Variants in FRMPD2 observed in about 807,000 individuals in gnomAD.
The protein encoded by FRMPD2 is FERM and PDZ domain-containing protein 2.
Under a neutral mutation model 140.1 loss-of-function variants are expected in FRMPD2, and 96 were observed. The ratio of observed to expected loss-of-function variants is 0.69; its 90% CI spans 0.58 to 0.81. The LOEUF is 0.81. FRMPD2 is among the 40% of genes least tolerant of loss of function. The pLI, the probability that FRMPD2 is intolerant of heterozygous loss-of-function variation, is 0.00. For synonymous variants in FRMPD2, 449 were observed against 547.6 expected, an observed-to-expected ratio of 0.82 and a Z score of 2.52; for missense variants, 1,240 against 1,447.4, an observed-to-expected ratio of 0.86 and a Z score of 2.32.
At chr10:48,240,639 A>G in intron 5 of FRMPD2, 147 bp from the exon 6 acceptor site, 8 of 1,138,456 alleles carry the variant, frequency 7.0e-6, no homozygotes, top group Non-Finnish European at 9.9e-6. Flanking sequence ...GGCACCCAGA[A>G]TGTGCTCTGT....
intron 14 of FRMPD2, among the ~76,000 whole-genome samples, chr10:48,204,097 T>C (rs531265005): frequency 3.3e-4 from 51 of 152,248 alleles, no homozygotes; most frequent in African/African-American, 1.1e-3. Context: ...CCAGATGAAA[T>C]TGACCATGCC....
At chr10:48,212,413 C>A (rs759556476) in intron 12 of FRMPD2, among the ~76,000 whole-genome samples, 1 of 152,066 alleles carries the variant, frequency 6.6e-6, no homozygotes, top group Non-Finnish European at 1.5e-5. Context: ...ATTGTCATTG[C>A]CATTGACAAG....
chr10:48,209,236 C>G (rs529834091), intron 13 of FRMPD2, among the ~76,000 whole-genome samples: 26 of 152,090 alleles, frequency 1.7e-4, no homozygotes, highest in Non-Finnish European at 3.1e-4. Context: ...ATTATGATTT[C>G]AATAGCAAGA....
At chr10:48,237,933 C>G in intron 8 of FRMPD2, 58 bp downstream of exon 8, 1 of 1,606,760 alleles carries the variant, frequency 6.2e-7, no homozygotes, top group African/African-American at 1.3e-5. Flanking sequence ...GTGCCAGCCA[C>G]CCACAGCTCC....
At chr10:48,204,182 C>T (rs892815046) in intron 14 of FRMPD2, among the ~76,000 whole-genome samples, 4 of 152,168 alleles carry the variant, frequency 2.6e-5, no homozygotes, top group Admixed American at 6.6e-5. Flanking sequence ...TTTTTGCACT[C>T]ATCAGAAATG....
intron 1 of FRMPD2, among the ~76,000 whole-genome samples, chr10:48,273,311 A>T (rs76235984): frequency 3.0e-4 from 46 of 152,208 alleles, no homozygotes; most frequent in African/African-American, 1.1e-3. Context: ...CACATCCTTC[A>T]TTAAAACTAC....
intron 2 of FRMPD2, 70 bp downstream of exon 2, chr10:48,251,496 G>T: frequency 5.0e-6 from 8 of 1,586,514 alleles, no homozygotes; most frequent in Non-Finnish European, 6.0e-6. Context: ...GCAGCAGCCA[G>T]AACTGTGTTT....
intron 1 of FRMPD2, among the ~76,000 whole-genome samples, chr10:48,263,565 TTGAAAG>T (rs1457538014): frequency 1.3e-5 from 2 of 152,148 alleles, no homozygotes; most frequent in African/African-American, 4.8e-5. Context: ...GACCAATTCC[TTGAAAG>T]TGAAAATCTA....
chr10:48,201,240 G>A lies in FRMPD2; in HGVS notation c.1942C>T (p.His648Tyr), dbSNP rs762125053. 1.1e-5 allele frequency: 17 copies of A among 1,606,152 alleles called. No individual in the cohort carries two copies. The highest frequency in any genetic ancestry group is 1.0e-4 in the Admixed American group (6 of 58,724). The change falls in exon 15 of 29, where the codon CAT (histidine) becomes TAT (tyrosine). Residue 648 changes from histidine to tyrosine, a missense_variant. Coordinates refer to ENST00000374201, the MANE Select transcript of FRMPD2 (RefSeq NM_001018071.4). ...AGCTTCTACTCACCAAATAAAACAT[G>A]GGAAGGCTGCCCAGAGCCCATCTGT... ...NAQMGSGQPS[H>Y]VLFDHDKFVQ...
chr10:48,163,245 T>C (rs1183766641), intron 28 of FRMPD2, 83 bp downstream of exon 28: 7 of 796,742 alleles, frequency 8.8e-6, no homozygotes, highest in South Asian at 1.4e-5. Context: ...CATCCAAGCA[T>C]AGTTATTGAT....
At chr10:48,261,105 G>C (rs765324015) in intron 1 of FRMPD2, among the ~76,000 whole-genome samples, 2 of 152,084 alleles carry the variant, frequency 1.3e-5, no homozygotes, top group Admixed American at 1.3e-4. Flanking sequence ...ATGGAAATGT[G>C]AAGAAAACAA....
At chr10:48,266,013 C>G (rs1240017151) in intron 1 of FRMPD2, among the ~76,000 whole-genome samples, 1 of 152,172 alleles carries the variant, frequency 6.6e-6, no homozygotes, top group South Asian at 2.1e-4. Flanking sequence ...AGTATATATA[C>G]ACCATGGAAT....
At position 48,246,254 on chromosome 10, in the gene FRMPD2, G is replaced by C. The variant is rs148285678; in HGVS notation, c.310-1405C>G. Among the ~76,000 whole-genome samples the C allele has an allele frequency of 3.6e-3, 554 of 152,360 alleles. 1 individual carries two copies. Among genetic ancestry groups the C allele is most frequent in the South Asian group, 0.021 (102 of 4,834 alleles). ...ATGATGGAGCATAGAGACTCATGGAGCTGCAGGGACTGAAGTGCAGACAGA... is the reference window on the plus strand; with the variant it reads ...ATGATGGAGCATAGAGACTCATGGACCTGCAGGGACTGAAGTGCAGACAGA... On this transcript the variant is annotated intron_variant, in intron 3 of 28. Transcript: ENST00000374201.
Position 48,236,505 on chromosome 10 carries a change from G to A in FRMPD2, c.970C>T (p.Leu324=). ...ILLAGEAPMT[L]HLPGSVVTKK... ...ACCACAACCGATCCCGGCAGATGTA[G>A]TGTCATCGGGGCCTCTCCAGCCAAC... Residue 324 remains leucine, a synonymous_variant, in exon 9 of 29, where the codon CTA becomes TTA. Transcript: ENST00000374201. The A allele has an allele frequency of 1.2e-6, 2 of 1,614,182 alleles. No homozygotes were observed. Among genetic ancestry groups the A allele is most frequent in the Non-Finnish European group, 1.7e-6 (2 of 1,180,000 alleles).
chr10:48,273,121 C>T (rs1840797418), intron 1 of FRMPD2, among the ~76,000 whole-genome samples: 2 of 152,126 alleles, frequency 1.3e-5, no homozygotes, highest in African/African-American at 2.4e-5. Context: ...TTATTAGATG[C>T]ATATGTATTT....
chr10:48,200,807 G>A (rs985127545), intron 15 of FRMPD2, among the ~76,000 whole-genome samples: 10 of 152,264 alleles, frequency 6.6e-5, no homozygotes, highest in African/African-American at 2.2e-4. Flanking sequence ...TTATTTATCT[G>A]GTCTTCTATG....
intron 1 of FRMPD2, among the ~76,000 whole-genome samples, chr10:48,260,534 C>T (rs1840568488): frequency 6.6e-6 from 1 of 152,208 alleles, no homozygotes; most frequent in Non-Finnish European, 1.5e-5. Context: ...CAGAAATACC[C>T]TCACAGACAC....
chr10:48,253,528 T>A (rs1474706157), intron 1 of FRMPD2, among the ~76,000 whole-genome samples: 3 of 151,212 alleles, frequency 2.0e-5, no homozygotes, highest in Non-Finnish European at 4.4e-5. Flanking sequence ...CACAAAGCAG[T>A]TAGAAAAACC....
chr10:48,262,738 G>A (rs1840615331), intron 1 of FRMPD2, among the ~76,000 whole-genome samples: 1 of 152,000 alleles, frequency 6.6e-6, no homozygotes, highest in African/African-American at 2.4e-5. Flanking sequence ...ATCACATTTT[G>A]GGCCATAAAC....
Sources: allele counts gnomAD v4.1 joint callset (sites outside exome capture counted in the v4.1 genomes callset), GRCh38; gene constraint gnomAD v4.1.1; transcripts MANE v1.5; gene names NCBI Gene and HGNC (gene_info 2026-07-23, HGNC 2026-07-21).